Variants in VPS8 observed in about 807,000 individuals in gnomAD.
The protein encoded by VPS8 is VPS8 subunit of CORVET complex.
A neutral mutation model predicts 216.4 loss-of-function variants in VPS8; 129 were observed. That is an observed-to-expected ratio of 0.60 (90% CI 0.52 to 0.69). The LOEUF (loss-of-function observed/expected upper bound fraction) is 0.69. VPS8 is among the 30% of genes least tolerant of loss of function. The pLI is 0.00. For missense variants in VPS8, 1,531 were observed against 1,683.5 expected (o/e 0.91, Z 1.59); for synonymous variants, 571 against 565.4 (o/e 1.01, Z -0.14).
At chr3:184,943,476 G>A (rs1168593381) in intron 36 of VPS8, among the ~76,000 whole-genome samples, 1 of 152,188 alleles carries the variant, frequency 6.6e-6, no homozygotes, top group Admixed American at 6.5e-5. Flanking sequence ...GGAAAACTGA[G>A]GGAGTACAGA....
chr3:184,910,128 A>ATTTTT (rs10707371), intron 25 of VPS8, among the ~76,000 whole-genome samples: 9 of 87,266 alleles, frequency 1.0e-4, no homozygotes, highest in East Asian at 3.1e-4. Flanking sequence ...AGATTCTCCT[A>ATTTTT]TTTTTTTTTT....
At chr3:184,815,799 C>G (rs1352412651) in intron 1 of VPS8, 1 of 148,950 alleles carries the variant, frequency 6.7e-6, no homozygotes, top group African/African-American at 2.5e-5. Flanking sequence ...CAAGACGCTT[C>G]CAGTTACTTC....
intron 39 of VPS8, 111 bp downstream of exon 39, chr3:184,966,824 A>G (rs1386461916): frequency 1.5e-6 from 1 of 669,956 alleles, no homozygotes; most frequent in Non-Finnish European, 2.3e-6. Flanking sequence ...TATATGCATA[A>G]TTACTGTTTA....
At chr3:184,866,407 G>A (rs1317607443) in intron 16 of VPS8, among the ~76,000 whole-genome samples, 1 of 152,248 alleles carries the variant, frequency 6.6e-6, no homozygotes, top group Non-Finnish European at 1.5e-5. Flanking sequence ...GGGAATGGGA[G>A]TGACTACAGG....
At chr3:184,859,278 G>A (rs1471898610) in intron 14 of VPS8, among the ~76,000 whole-genome samples, 1 of 152,040 alleles carries the variant, frequency 6.6e-6, no homozygotes. Flanking sequence ...ATTTCTCTGG[G>A]GACATTGTTC....
At chr3:184,982,786 TGA>T in intron 41 of VPS8, 139 bp downstream of exon 41, 2 of 762,358 alleles carry the variant, frequency 2.6e-6, no homozygotes, top group Non-Finnish European at 4.1e-6. Context: ...ATAGTATGGT[TGA>T]TCTCATCTTT....
rs768532730 is a variant in VPS8, at chr3:184,852,519, T to C, written c.773T>C (p.Leu258Pro). ...LHIKFTDDPT[L>P]AICNDSGGSV... ...GTTTAGTTTACAGATGATCCAACTCTTGCAATTTGCAACGACAGCGGAGGC... is the reference window on the plus strand; with the variant it reads ...GTTTAGTTTACAGATGATCCAACTCCTGCAATTTGCAACGACAGCGGAGGC... Residue 258 changes from leucine (L) to proline (P), a missense_variant, in exon 11 of 48, where the codon CTT (leucine) becomes CCT (proline). Physicochemically the swap from Leu to Pro is moderately conservative, Grantham distance 98 (BLOSUM62 -3). Coordinates refer to ENST00000625842, the MANE Select transcript of VPS8 (RefSeq NM_001009921.3). The C allele has an allele frequency of 6.2e-7, 1 of 1,613,684 alleles. No individual in the cohort carries two copies. Among genetic ancestry groups the C allele is most frequent in the Admixed American group, 1.7e-5 (1 of 59,990 alleles).
At chr3:184,826,813 T>C (rs1384630574) in intron 3 of VPS8, among the ~76,000 whole-genome samples, 1 of 152,252 alleles carries the variant, frequency 6.6e-6, no homozygotes, top group Non-Finnish European at 1.5e-5. Context: ...TAATCTTTTA[T>C]AGTTTATCTT....
chr3:184,928,526 G>C lies in VPS8; in HGVS notation c.2707G>C (p.Ala903Pro). The C allele has an allele frequency of 6.6e-7, 1 of 1,513,880 alleles. No homozygotes were observed. The highest frequency in any genetic ancestry group is 8.7e-7 in the Non-Finnish European group (1 of 1,142,924). The allele number at this position is 1,513,880 out of a possible 1,614,324, so 93.8% of individuals were successfully genotyped here. The change falls in exon 32 of 48, where the codon GCT (alanine) becomes CCT (proline). Residue 903 changes from alanine (A) to proline (P), a missense_variant. By Grantham distance (27) the Ala-to-Pro change is conservative. Around this residue, in one of 3 missense-constraint regions of VPS8, gnomAD observed 1,318 missense variants for 1,468.4 expected, o/e 0.90. Coordinates refer to ENST00000625842, the MANE Select transcript of VPS8 (RefSeq NM_001009921.3). ...TCGACTCATCCGGATGGCAGAAAAA[G>C]CTGAGTTGTAAGTTGTTTTGAGGCT... ...ESRLIRMAEK[A>P]EFYQICEFMY...
At chr3:185,045,552 C>T (rs1310830394) in intron 46 of VPS8, among the ~76,000 whole-genome samples, 1 of 152,060 alleles carries the variant, frequency 6.6e-6, no homozygotes, top group Non-Finnish European at 1.5e-5. Context: ...AGGTGGACCA[C>T]CTGAGGTCAG....
At chr3:184,853,412 C>T (rs1477589014) in intron 11 of VPS8, among the ~76,000 whole-genome samples, 2 of 152,186 alleles carry the variant, frequency 1.3e-5, no homozygotes, top group African/African-American at 4.8e-5. Context: ...GGAAAAATAA[C>T]TGAATGGTGA....
chr3:184,994,097 C>G (rs1752290990), intron 43 of VPS8, 34 bp downstream of exon 43: 1 of 1,421,490 alleles, frequency 7.0e-7, no homozygotes, highest in Non-Finnish European at 9.3e-7. Flanking sequence ...TAAGTCTGTC[C>G]TAAGGTAGAA....
At chr3:184,989,272 G>T (rs1200942070) in intron 42 of VPS8, among the ~76,000 whole-genome samples, 1 of 152,170 alleles carries the variant, frequency 6.6e-6, no homozygotes, top group Admixed American at 6.5e-5. Context: ...ATCAAGTTTA[G>T]GAAGTGTCCC....
In VPS8 at chr3:184,957,379, G is replaced by T. The variant is rs748057572; in HGVS notation, c.3041G>T (p.Gly1014Val). 2 of 1,607,510 alleles carry T rather than the reference G, an allele frequency of 1.2e-6. No individual in the cohort carries two copies. Among genetic ancestry groups the T allele is most frequent in the Non-Finnish European group, 8.5e-7 (1 of 1,176,450 alleles). The change falls in exon 37 of 48, where the codon GGT becomes GTT. Residue 1014 changes from glycine (G) to valine (V), a missense_variant. Around this residue, in one of 3 missense-constraint regions of VPS8, gnomAD observed 1,318 missense variants for 1,468.4 expected, o/e 0.90. Coordinates refer to ENST00000625842, the MANE Select transcript of VPS8 (RefSeq NM_001009921.3). ...TTTATCTTTTATGTTTTTAGGGAAG[G>T]TATTCATGTAAATCAAGAATTACTG... is the stretch of plus-strand genomic sequence containing the variant. ...FLRSLLDPREGIHVNQELLQI... is the reference protein window; with the variant it reads ...FLRSLLDPREVIHVNQELLQI...
At chr3:184,984,183 C>CAAAAAAAAAAAAAAAAAAAA (rs1453935100) in intron 42 of VPS8, among the ~76,000 whole-genome samples, 108 of 2,882 alleles carry the variant, frequency 0.037, 53 homozygotes, top group African/African-American at 0.07. Flanking sequence ...GACTCCGTCT[C>CAAAAAAAAAAAAAAAAAAAA]AAAAAAAAAA....
intron 18 of VPS8, chr3:184,868,328 C>T (rs945089453): frequency 1.0e-4 from 38 of 370,302 alleles, no homozygotes; most frequent in Middle Eastern, 7.7e-4. Flanking sequence ...CTAGGTGGTC[C>T]GCAGCTCTTG....
rs1052122640 is a variant in VPS8, at chr3:185,051,705, G to A, written c.4138-171G>A. On this transcript the variant is annotated intron_variant, in intron 47 of 47. Transcript: ENST00000625842. Reference sequence around the variant, plus strand: ...AGACCCTAAAAAATGAAGTGAACTTGCCCAAAGTCACACTGCTCGTTTGTG... The same window carrying A: ...AGACCCTAAAAAATGAAGTGAACTTACCCAAAGTCACACTGCTCGTTTGTG... 1.3e-4 allele frequency among the ~76,000 whole-genome samples: 20 copies of A among 152,190 alleles called. 2 individuals carry two copies.
At chr3:185,008,975 G>A (rs1754623982) in intron 45 of VPS8, among the ~76,000 whole-genome samples, 1 of 152,216 alleles carries the variant, frequency 6.6e-6, no homozygotes, top group South Asian at 2.1e-4. Flanking sequence ...CAAATGTCTT[G>A]TTCGGTCAAG....
chr3:184,927,066 A>G (rs1420004273), intron 31 of VPS8, among the ~76,000 whole-genome samples: 1 of 152,162 alleles, frequency 6.6e-6, no homozygotes, highest in African/African-American at 2.4e-5. Context: ...ACCCCACTGC[A>G]TTAGGGCTGA....
Sources: allele counts gnomAD v4.1 joint callset (sites outside exome capture counted in the v4.1 genomes callset), GRCh38; gene constraint gnomAD v4.1.1; regional missense constraint gnomAD v4.1.1; transcripts MANE v1.5; gene names NCBI Gene and HGNC (gene_info 2026-07-23, HGNC 2026-07-21).